The following DNAH9 variants were observed in gnomAD, a reference collection of about 807,000 sequenced individuals.
DNAH9 encodes the protein dynein axonemal heavy chain 9.
DNAH9 carries 345 observed loss-of-function variants against 471.6 expected under a neutral mutation model. The observed-to-expected ratio is 0.73, with a 90% CI of 0.67 to 0.80. The LOEUF is 0.80. Among genes scored for constraint, DNAH9 ranks in the 30% least tolerant of loss-of-function variants. The pLI is 0.00. For synonymous variants in DNAH9, 2,093 were observed against 2,123.6 expected (o/e 0.99, Z 0.40); for missense variants, 5,407 against 5,609.2 (o/e 0.96, Z 1.15).
intron 45 of DNAH9, among the ~76,000 whole-genome samples, chr17:11,816,419 T>G (rs527683085): frequency 1.3e-5 from 2 of 152,356 alleles, no homozygotes; most frequent in African/African-American, 4.8e-5. Flanking sequence ...TTAAGTAAAG[T>G]AAGTAACAGC....
rs530842784 is a variant in DNAH9, at chr17:11,623,210, G to A, written c.1350+3429G>A. Among the ~76,000 whole-genome samples, 1 of 152,144 alleles carries A rather than the reference G, an allele frequency of 6.6e-6. No homozygotes were observed. The highest frequency in any genetic ancestry group is 3.4e-3 in the Middle Eastern group (1 of 294). On this transcript the variant is annotated intron_variant, in intron 6 of 68. Coordinates refer to ENST00000262442, the MANE Select transcript of DNAH9 (RefSeq NM_001372.4). This position sits in a 1 kb window ranked among gnomAD's most constrained non-coding sequence, Gnocchi z 4.1. Reference sequence around the variant, plus strand: ...GCTGGTCTTGAACTCCCAACCTCAGGAGATCCACCCAGCTTGGCCTCCCAA... The same window carrying A: ...GCTGGTCTTGAACTCCCAACCTCAGAAGATCCACCCAGCTTGGCCTCCCAA...
intron 48 of DNAH9, among the ~76,000 whole-genome samples, chr17:11,825,042 A>G (rs1970442183): frequency 6.6e-6 from 1 of 152,036 alleles, no homozygotes; most frequent in African/African-American, 2.4e-5. Flanking sequence ...ACGTTTGCCA[A>G]CAAATGGCAT....
chr17:11,629,700 C>A, intron 7 of DNAH9, 116 bp downstream of exon 7: 1 of 905,114 alleles, frequency 1.1e-6, no homozygotes, highest in Non-Finnish European at 1.6e-6. Flanking sequence ...CTCTGTGGTC[C>A]CAGTGGTTTT....
chr17:11,787,793 T>G lies in DNAH9; in HGVS notation c.8061+3254T>G, dbSNP rs546646558. Among the ~76,000 whole-genome samples, 16 of 152,298 alleles carry G rather than the reference T, an allele frequency of 1.1e-4. No homozygotes were observed. In the South Asian group the frequency reaches 3.3e-3, roughly 32 times the overall value. On this transcript the variant is annotated intron_variant, in intron 41 of 68. Coordinates refer to ENST00000262442, the MANE Select transcript of DNAH9 (RefSeq NM_001372.4). ...TACTGTTCTTGTGGTAGTGAGTAAG[T>G]CTCACGAGATCTGATGATTTTATCA...
Position 11,652,777 on chromosome 17 carries a change from C to T in DNAH9, c.2370C>T (p.Val790=). The part of the protein sequence containing the change: ...NWKTEGICDY[V]TEITSSIHDL... The stretch of plus-strand genomic sequence containing the variant: ...GGGGAACAGGCATTTGCGATTATGT[C>T]ACTGAAATCACCAGTAGTATTCATG... Residue 790 remains valine, a synonymous_variant, in exon 14 of 69, where the codon GTC becomes GTT. Coordinates refer to ENST00000262442, the MANE Select transcript of DNAH9 (RefSeq NM_001372.4). 2 of 1,613,238 alleles carry T rather than the reference C, an allele frequency of 1.2e-6. No individual in the cohort carries two copies. Among genetic ancestry groups the T allele is most frequent in the Non-Finnish European group, 1.7e-6 (2 of 1,179,608 alleles).
chr17:11,807,619 C>T, intron 43 of DNAH9, 113 bp from the exon 44 acceptor site: 1 of 1,163,352 alleles, frequency 8.6e-7, no homozygotes, highest in Non-Finnish European at 1.2e-6. Flanking sequence ...TCCCACAGCT[C>T]AGCCTGTGAC....
At chr17:11,758,745 G>T (rs939700330) in intron 35 of DNAH9, among the ~76,000 whole-genome samples, 3 of 152,118 alleles carry the variant, frequency 2.0e-5, no homozygotes, top group African/African-American at 7.2e-5. Flanking sequence ...CACGTTCAAA[G>T]TGAATTTTGT....
chr17:11,662,746 G>GTTT (rs1356730158), intron 14 of DNAH9, among the ~76,000 whole-genome samples: 1 of 101,036 alleles, frequency 9.9e-6, no homozygotes, highest in Admixed American at 1.3e-4. Flanking sequence ...GTTGAGGCTC[G>GTTT]CTTTTTTTTT....
chr17:11,609,592 C>A (rs1024998722), intron 2 of DNAH9, among the ~76,000 whole-genome samples: 7 of 152,190 alleles, frequency 4.6e-5, no homozygotes, highest in African/African-American at 1.7e-4. Flanking sequence ...AAGTGGGTTT[C>A]TGACATAAAA....
At chr17:11,792,222 C>G (rs1424494491) in intron 41 of DNAH9, among the ~76,000 whole-genome samples, 3 of 152,088 alleles carry the variant, frequency 2.0e-5, no homozygotes, top group Admixed American at 2.0e-4. Context: ...TGCAGTGAGC[C>G]AAGATCACAC....
intron 61 of DNAH9, among the ~76,000 whole-genome samples, chr17:11,919,655 G>A (rs1350218457): frequency 6.6e-6 from 1 of 152,114 alleles, no homozygotes; most frequent in Non-Finnish European, 1.5e-5. Context: ...CACCAAACAT[G>A]TGAATTATTC....
intron 67 of DNAH9, among the ~76,000 whole-genome samples, chr17:11,955,039 C>G (rs1038487412): frequency 6.6e-6 from 1 of 151,978 alleles, no homozygotes; most frequent in Admixed American, 6.6e-5. Context: ...GAAATAGAAG[C>G]ATATTGTATA....
rs11413797 is a variant in DNAH9, at chr17:11,932,831, T to TG, written c.12297+627dup. ...TCTTCACAGCATGGCAGGTAGACTG[T>TG]GATCAGCAGGAAGAGACTTCACACT... On this transcript the variant is annotated intron_variant, in intron 64 of 68. Coordinates refer to ENST00000262442, the MANE Select transcript of DNAH9 (RefSeq NM_001372.4). The surrounding 1 kb of genome is among the most constrained non-coding windows in gnomAD (Gnocchi z 4.3). Among the ~76,000 whole-genome samples the TG allele has an allele frequency of 0.51, 77,852 of 151,960 alleles. 20,091 individuals carry two copies. Among genetic ancestry groups the TG allele is most frequent in the Middle Eastern group, 0.57 (167 of 294 alleles).
intron 48 of DNAH9, among the ~76,000 whole-genome samples, chr17:11,829,476 A>C (rs1450017021): frequency 1.3e-5 from 2 of 152,214 alleles, no homozygotes; most frequent in South Asian, 4.2e-4. Flanking sequence ...TTGCTTATTT[A>C]TTTATTTATT....
In DNAH9 at chr17:11,930,020, C is replaced by G; in HGVS notation, c.12032C>G (p.Ser4011Cys). ...ATCCCCCAGGGCATCCTGGAGAACT[C>G]CATTAAGATCACCAATGAGCCCCCC... ...HIIPQGILEN[S>C]IKITNEPPTG... The change falls in exon 63 of 69, where the codon TCC (serine) becomes TGC (cysteine). Residue 4011 changes from serine (S) to cysteine (C), a missense_variant. Coordinates refer to ENST00000262442, the MANE Select transcript of DNAH9 (RefSeq NM_001372.4). 1 of 1,614,116 alleles carries G rather than the reference C, an allele frequency of 6.2e-7. No individual in the cohort carries two copies. Among genetic ancestry groups the G allele is most frequent in the Non-Finnish European group, 8.5e-7 (1 of 1,180,026 alleles).
At chr17:11,829,163 G>A (rs1388900974) in intron 48 of DNAH9, among the ~76,000 whole-genome samples, 2 of 152,150 alleles carry the variant, frequency 1.3e-5, no homozygotes, top group Admixed American at 6.5e-5. Flanking sequence ...TCCTAACTCT[G>A]TAACAAACTC....
intron 35 of DNAH9, among the ~76,000 whole-genome samples, chr17:11,760,512 G>GT (rs1967618953): frequency 6.6e-6 from 1 of 151,686 alleles, no homozygotes; most frequent in Non-Finnish European, 1.5e-5. Context: ...TTTGTTGTTA[G>GT]TTTTTTTTAT....
rs1204709722 is a variant in DNAH9 at position 11,715,371 on chromosome 17, AC to A, written c.5553-3962del. On this transcript the variant is annotated intron_variant, in intron 26 of 68. Coordinates refer to ENST00000262442, the MANE Select transcript of DNAH9 (RefSeq NM_001372.4). ...AAGTTATTTGCCCAAGGAAAGCAAG[AC>A]TAATTTTAGTTCGATGTTAAGAAGA... 2.0e-5 allele frequency among the ~76,000 whole-genome samples: 3 copies of A among 152,124 alleles called. No individual in the cohort carries two copies. In the East Asian group the frequency reaches 5.8e-4, roughly 29 times the overall value.
At chr17:11,685,959 C>T (rs1275900566) in intron 19 of DNAH9, among the ~76,000 whole-genome samples, 1 of 152,002 alleles carries the variant, frequency 6.6e-6, no homozygotes, top group Non-Finnish European at 1.5e-5. Flanking sequence ...TGCATGCCAC[C>T]ATGCCTGGCT....
Sources: gnomAD v4.1 joint callset for allele counts (sites outside exome capture counted in the v4.1 genomes callset) on GRCh38, gnomAD v4.1.1 for gene constraint, Gnocchi (gnomAD v3.1) non-coding constraint, MANE v1.5 for transcripts, NCBI Gene and HGNC (gene_info 2026-07-23, HGNC 2026-07-21) for gene names.